The following TYW1B variants were observed in gnomAD, a reference collection of about 807,000 sequenced individuals.
TYW1B encodes the protein S-adenosyl-L-methionine-dependent tRNA 4-demethylwyosine synthase TYW1B.
In TYW1B, 73 loss-of-function variants were observed where a neutral mutation model predicts 86.9. The observed-to-expected ratio is 0.84, with a 90% CI of 0.70 to 1.02. The LOEUF (loss-of-function observed/expected upper bound fraction) is 1.02. Among genes scored for constraint, TYW1B ranks in the 50% least tolerant of loss-of-function variants. The pLI is 0.00. For missense variants in TYW1B, 637 were observed against 827.4 expected (o/e 0.77, Z 2.82); for synonymous variants, 248 against 292.8 (o/e 0.85, Z 1.56).
chr7:72,742,407 G>A (rs1387401979), intron 8 of TYW1B, among the ~76,000 whole-genome samples: 3 of 152,156 alleles, frequency 2.0e-5, no homozygotes, highest in South Asian at 2.1e-4. Context: ...TAGTGTTACA[G>A]GCATAAGCCA....
chr7:72,640,738 T>A (rs191666405), intron 11 of TYW1B, among the ~76,000 whole-genome samples: 651 of 152,134 alleles, frequency 4.3e-3, no homozygotes, highest in Non-Finnish European at 5.0e-3. Flanking sequence ...AATGGAACAT[T>A]TGTACACATC....
At chr7:72,588,810 C>T (rs1434959527) in intron 13 of TYW1B, among the ~76,000 whole-genome samples, 1 of 151,020 alleles carries the variant, frequency 6.6e-6, no homozygotes, top group Admixed American at 6.6e-5. Context: ...TTGGACAAGA[C>T]TTGCACTTTT....
chr7:72,632,321 T>TTATA (rs71069094), intron 11 of TYW1B, among the ~76,000 whole-genome samples: 4 of 74,288 alleles, frequency 5.4e-5, no homozygotes, highest in African/African-American at 4.0e-4. Flanking sequence ...ATTATATATA[T>TTATA]TATATATATA....
chr7:72,781,053 G>T (rs1304663938), intron 6 of TYW1B, among the ~76,000 whole-genome samples: 1 of 151,850 alleles, frequency 6.6e-6, no homozygotes, highest in African/African-American at 2.4e-5. Flanking sequence ...CCCATTTAAA[G>T]ATGAGTGGCC....
chr7:72,737,392 T>C (rs1292277209), intron 8 of TYW1B, among the ~76,000 whole-genome samples: 2 of 152,216 alleles, frequency 1.3e-5, no homozygotes, highest in Non-Finnish European at 2.9e-5. Context: ...ATCATACTGT[T>C]TGCTTTCCAA....
chr7:72,672,509 C>CACACACACACACACACACACA (rs1585892488), intron 11 of TYW1B, among the ~76,000 whole-genome samples: 4 of 149,602 alleles, frequency 2.7e-5, no homozygotes, highest in South Asian at 4.3e-4. Flanking sequence ...CACACACACA[C>CACACACACACACACACACACA]CTGTATACAC....
At chr7:72,761,973 G>A (rs1240581136) in intron 7 of TYW1B, among the ~76,000 whole-genome samples, 1 of 151,792 alleles carries the variant, frequency 6.6e-6, no homozygotes, top group African/African-American at 2.4e-5. Context: ...TGATTAAGTT[G>A]GCTATAATTA....
At chr7:72,735,681 C>T (rs1412725894) in intron 8 of TYW1B, among the ~76,000 whole-genome samples, 2 of 151,922 alleles carry the variant, frequency 1.3e-5, no homozygotes, top group Admixed American at 1.3e-4. Flanking sequence ...ATCAGTCTGG[C>T]CAACTTGGCA....
chr7:72,817,649 T>A (rs115022562), intron 2 of TYW1B, among the ~76,000 whole-genome samples: 313 of 152,016 alleles, frequency 2.1e-3, no homozygotes, highest in African/African-American at 7.1e-3. Flanking sequence ...AACAAAGAAT[T>A]GAAAAAAATG....
chr7:72,798,869 GA>G (rs1221324564), intron 6 of TYW1B, among the ~76,000 whole-genome samples: 1 of 152,170 alleles, frequency 6.6e-6, no homozygotes, highest in Non-Finnish European at 1.5e-5. Flanking sequence ...CTCTTATTAT[GA>G]GTAAAGTTAA....
chr7:72,659,289 A>G (rs1482795897), intron 11 of TYW1B, among the ~76,000 whole-genome samples: 3 of 152,188 alleles, frequency 2.0e-5, no homozygotes, highest in East Asian at 1.9e-4. Flanking sequence ...CAAAAAACTG[A>G]TGAATATGGC....
intron 3 of TYW1B, among the ~76,000 whole-genome samples, chr7:72,811,863 A>C (rs112020785): frequency 0.89 from 131,655 of 147,258 alleles, 58,992 homozygotes; most frequent in South Asian, 0.95. Flanking sequence ...AGTGGGCCAC[A>C]ATCACACCCC....
At chr7:72,657,879 C>A (rs1554443911) in intron 11 of TYW1B, among the ~76,000 whole-genome samples, 1 of 152,184 alleles carries the variant, frequency 6.6e-6, no homozygotes, top group Non-Finnish European at 1.5e-5. Context: ...CATCATAAAA[C>A]TGTTCCAAAA....
rs545226006 is a variant in TYW1B at position 72,774,105 on chromosome 7, GAA to G, written c.964+3309_964+3310del. Among the ~76,000 whole-genome samples the G allele has an allele frequency of 2.4e-3, 356 of 149,704 alleles. 2 individuals are homozygous for G. The highest frequency in any genetic ancestry group is 7.7e-3 in the African/African-American group (317 of 40,912). ...AAGAAACAAAGAAACTATCCCAAAT[GAA>G]AAGAGGGAGAGAGGAAGGGAAGGAC... On this transcript the variant is annotated intron_variant, in intron 7 of 13. Coordinates refer to ENST00000620995, the MANE Select transcript of TYW1B (RefSeq NM_001145440.3).
At chr7:72,740,760 T>A (rs1314705198) in intron 8 of TYW1B, among the ~76,000 whole-genome samples, 1 of 148,700 alleles carries the variant, frequency 6.7e-6, no homozygotes, top group Non-Finnish European at 1.5e-5. Context: ...AGACGGAGTC[T>A]TGCTGTGTTG....
Position 72,655,389 on chromosome 7 carries a change from G to A in TYW1B, c.1507-26392C>T, listed in dbSNP as rs572807534. Among the ~76,000 whole-genome samples, 8 of 152,222 alleles carry A rather than the reference G, an allele frequency of 5.3e-5. No individual in the cohort carries two copies. The South Asian group carries it at 1.2e-3, about 24-fold the overall frequency. ...TCACACTGGGTCCCACTCACACCAG[G>A]AGCCCCAAGCAACTACATCACAGCA... On this transcript the variant is annotated intron_variant, in intron 11 of 13. Transcript: ENST00000620995.
At chr7:72,627,396 C>T (rs1477853523) in intron 12 of TYW1B, among the ~76,000 whole-genome samples, 3 of 151,646 alleles carry the variant, frequency 2.0e-5, no homozygotes, top group South Asian at 2.1e-4. Flanking sequence ...TTCAGTGAGC[C>T]GAGATCACGC....
chr7:72,637,020 T>C (rs1812684202), intron 11 of TYW1B, among the ~76,000 whole-genome samples: 1 of 151,970 alleles, frequency 6.6e-6, no homozygotes, highest in Non-Finnish European at 1.5e-5. Flanking sequence ...CTACTAAAAA[T>C]ACAAAATTAG....
At chr7:72,622,744 A>C (rs1318938024) in intron 12 of TYW1B, among the ~76,000 whole-genome samples, 1 of 151,288 alleles carries the variant, frequency 6.6e-6, no homozygotes, top group Non-Finnish European at 1.5e-5. Flanking sequence ...CACATACAAC[A>C]CACACAAGTG....
Sources: gnomAD v4.1 joint callset for allele counts (sites outside exome capture counted in the v4.1 genomes callset) on GRCh38, gnomAD v4.1.1 for gene constraint, MANE v1.5 for transcripts, NCBI Gene and HGNC (gene_info 2026-07-23, HGNC 2026-07-21) for gene names.